PCDH15: variants seen among roughly 807,000 people sequenced by gnomAD.
The protein encoded by PCDH15 is protocadherin-15.
A neutral mutation model predicts 178.5 loss-of-function variants in PCDH15; 129 were observed. The observed-to-expected ratio is 0.72, with a 90% CI of 0.63 to 0.84. PCDH15 has a LOEUF of 0.84. Among genes scored for constraint, PCDH15 ranks in the 40% least tolerant of loss-of-function variants. PCDH15 has a pLI of 0.00. For synonymous variants in PCDH15, 800 were observed against 732.0 expected (o/e 1.09, Z -1.50); for missense variants, 2,230 against 2,099.9 (o/e 1.06, Z -1.21).
At chr10:55,367,071 G>C (rs143398278) in intron 2 of PCDH15, among the ~76,000 whole-genome samples, 412 of 152,032 alleles carry the variant, frequency 2.7e-3, no homozygotes, top group African/African-American at 9.5e-3. Context: ...TTCTGGGGAA[G>C]TGAGGTCTAC....
At chr10:55,227,640 G>A (rs1013293956) in intron 1 of PCDH15, among the ~76,000 whole-genome samples, 8 of 152,040 alleles carry the variant, frequency 5.3e-5, no homozygotes, top group African/African-American at 1.9e-4. Flanking sequence ...GGTCTATTGA[G>A]AACTAAGAAA....
chr10:55,463,339 C>G (rs1244556579), intron 2 of PCDH15, among the ~76,000 whole-genome samples: 1 of 151,916 alleles, frequency 6.6e-6, no homozygotes, highest in Non-Finnish European at 1.5e-5. Flanking sequence ...TGTATTCTAG[C>G]CTATGAGGCA....
At position 54,976,651 on chromosome 10, in the gene PCDH15, T is replaced by C. The variant is rs114328127; in HGVS notation, c.-79-79151A>G. 5.5e-3 allele frequency among the ~76,000 whole-genome samples: 843 copies of C among 152,302 alleles called. 5 individuals are homozygous for C. The highest frequency in any genetic ancestry group is 0.019 in the African/African-American group (801 of 41,572). ...CTTAGGTTCTACAACAGTGGTCTCATCTATAGGAGCAACTGGGGAAGTCAC... is the reference window on the plus strand; with the variant it reads ...CTTAGGTTCTACAACAGTGGTCTCACCTATAGGAGCAACTGGGGAAGTCAC... On this transcript the variant is annotated intron_variant, in intron 2 of 5. Transcript: ENST00000458638.
intron 18 of PCDH15, among the ~76,000 whole-genome samples, chr10:54,040,799 A>G (rs2093525537): frequency 6.6e-6 from 1 of 152,062 alleles, no homozygotes; most frequent in South Asian, 2.1e-4. Flanking sequence ...TCTCTATAAA[A>G]ATGTCAATTT....
intron 2 of PCDH15, among the ~76,000 whole-genome samples, chr10:54,543,833 G>A (rs1283179964): frequency 6.6e-6 from 1 of 152,060 alleles, no homozygotes; most frequent in African/African-American, 2.4e-5. Context: ...TTTCCCCACC[G>A]CTGTTGCTCA....
At chr10:55,475,915 G>C (rs144219435) in intron 2 of PCDH15, among the ~76,000 whole-genome samples, 1 of 151,974 alleles carries the variant, frequency 6.6e-6, no homozygotes, top group Non-Finnish European at 1.5e-5. Flanking sequence ...GCCCTTATTG[G>C]AGAACAGAAT....
chr10:54,420,513 C>T (rs1758829), intron 3 of PCDH15, among the ~76,000 whole-genome samples: 28,124 of 151,896 alleles, frequency 0.19, 2,979 homozygotes, highest in African/African-American at 0.29. Context: ...GATCTGAATA[C>T]GATTCATGGA....
At chr10:54,510,098 G>A (rs570633134) in intron 3 of PCDH15, among the ~76,000 whole-genome samples, 18 of 152,254 alleles carry the variant, frequency 1.2e-4, no homozygotes, top group Non-Finnish European at 2.4e-4. Context: ...TGTTCCATTG[G>A]TTGAATGAAT....
chr10:54,011,253 A>G (rs1243081341), intron 20 of PCDH15, among the ~76,000 whole-genome samples: 1 of 152,118 alleles, frequency 6.6e-6, no homozygotes, highest in Non-Finnish European at 1.5e-5. Context: ...GAGGGAGCAA[A>G]GACCCTGAGT....
chr10:55,154,447 T>C (rs111779302), intron 2 of PCDH15, among the ~76,000 whole-genome samples: 2 of 152,200 alleles, frequency 1.3e-5, no homozygotes, highest in African/African-American at 4.8e-5. Flanking sequence ...ACAACAAATA[T>C]AAATAGGCTC....
intron 2 of PCDH15, among the ~76,000 whole-genome samples, chr10:54,965,379 C>T (rs1337009073): frequency 6.6e-6 from 1 of 152,030 alleles, no homozygotes; most frequent in Non-Finnish European, 1.5e-5. Context: ...CTCATGAGAT[C>T]TGATGGTTTT....
At chr10:54,715,822 T>C (rs139214542) in intron 1 of PCDH15, among the ~76,000 whole-genome samples, 67 of 152,256 alleles carry the variant, frequency 4.4e-4, no homozygotes, top group African/African-American at 1.4e-3. Flanking sequence ...AGCAGCAGTT[T>C]CTCTGCTTTT....
intron 2 of PCDH15, chr10:55,469,313 G>A (rs889996663): frequency 3.9e-5 from 6 of 151,966 alleles, no homozygotes; most frequent in East Asian, 3.9e-4. Context: ...CTTTTTGTGC[G>A]TTAACTTGCA....
chr10:54,545,826 T>C (rs2133071583), intron 2 of PCDH15, among the ~76,000 whole-genome samples: 1 of 152,346 alleles, frequency 6.6e-6, no homozygotes, highest in South Asian at 2.1e-4. Context: ...CACCTCTTCT[T>C]GTATTTTTCT....
intron 2 of PCDH15, among the ~76,000 whole-genome samples, chr10:55,438,351 C>T (rs955356329): frequency 6.6e-6 from 1 of 151,896 alleles, no homozygotes; most frequent in African/African-American, 2.4e-5. Flanking sequence ...TTGAAAATAA[C>T]ATTTATTAAA....
At chr10:54,243,265 T>A (rs2055588448) in intron 8 of PCDH15, among the ~76,000 whole-genome samples, 1 of 152,176 alleles carries the variant, frequency 6.6e-6, no homozygotes, top group African/African-American at 2.4e-5. Flanking sequence ...ATCCCAGCAC[T>A]TTGGGAGGCC....
intron 32 of PCDH15, among the ~76,000 whole-genome samples, chr10:53,824,101 A>G (rs1055454243): frequency 3.3e-5 from 5 of 151,612 alleles, no homozygotes; most frequent in Non-Finnish European, 7.4e-5. Context: ...ACTGATCTGG[A>G]TCAAATTTTA....
chr10:55,009,637 T>C (rs1194281509), intron 2 of PCDH15, among the ~76,000 whole-genome samples: 1 of 152,262 alleles, frequency 6.6e-6, no homozygotes, highest in East Asian at 1.9e-4. Context: ...TTCTTCATTA[T>C]TCTTTACAAG....
rs149735279 is a variant in PCDH15 at position 55,407,884 on chromosome 10, C to G, written c.-156+219741G>C. 9.1e-4 allele frequency among the ~76,000 whole-genome samples: 139 copies of G among 152,242 alleles called. 1 individual carries two copies. The highest frequency in any genetic ancestry group is 1.7e-3 in the Non-Finnish European group (113 of 68,004). On this transcript the variant is annotated intron_variant, in intron 2 of 5. Transcript: ENST00000613346. ...CTAAGACTTCAACAAGGCCTTTTGA[C>G]CAAAGGCTATCATCTCTAAGTCTCA...
Sources: gnomAD v4.1 joint callset for allele counts (sites outside exome capture counted in the v4.1 genomes callset) on GRCh38, gnomAD v4.1.1 for gene constraint, MANE v1.5 for transcripts, NCBI Gene and HGNC (gene_info 2026-07-23, HGNC 2026-07-21) for gene names.